TECPR2: variants seen among roughly 807,000 people sequenced by gnomAD.
TECPR2 encodes the protein tectonin beta-propeller repeat-containing protein 2.
TECPR2 carries 65 observed loss-of-function variants against 138.1 expected under a neutral mutation model. That is an observed-to-expected ratio of 0.47 (90% CI 0.39 to 0.58). The LOEUF (loss-of-function observed/expected upper bound fraction) is 0.58, where lower values mean the gene tolerates loss of function less well. Among genes scored for constraint, TECPR2 ranks in the 20% least tolerant of loss-of-function variants. TECPR2 has a pLI of 0.00. For synonymous variants in TECPR2, 746 were observed against 749.8 expected (o/e 0.99, Z 0.08); for missense variants, 1,553 against 1,824.5 (o/e 0.85, Z 2.71).
chr14:102,438,597 C>T (rs1889744544), intron 10 of TECPR2: 1 of 173,956 alleles, frequency 5.7e-6, no homozygotes, highest in Admixed American at 6.0e-5. Flanking sequence ...TTAAAGCAAC[C>T]GAACTAACGA....
intron 2 of TECPR2, among the ~76,000 whole-genome samples, chr14:102,390,734 C>G (rs1888146290): frequency 6.6e-6 from 1 of 151,890 alleles, no homozygotes; most frequent in Non-Finnish European, 1.5e-5. Context: ...GTGGTTTGAT[C>G]AGAAATTGCA....
intron 17 of TECPR2, chr14:102,465,787 C>A: frequency 5.9e-6 from 2 of 340,118 alleles, no homozygotes; most frequent in Non-Finnish European, 8.3e-6. Context: ...TGCATCCCAA[C>A]ACAGAGTCTG....
intron 8 of TECPR2, among the ~76,000 whole-genome samples, chr14:102,433,217 G>T (rs769759518): frequency 1.3e-5 from 2 of 151,536 alleles, no homozygotes; most frequent in Non-Finnish European, 2.9e-5. Flanking sequence ...TAAATACAGG[G>T]GGTCCATGCG....
chr14:102,427,635 G>A (rs1442136915), intron 6 of TECPR2, among the ~76,000 whole-genome samples: 2 of 152,164 alleles, frequency 1.3e-5, no homozygotes, highest in Admixed American at 6.5e-5. Flanking sequence ...AATGCTGGAG[G>A]AACCTCCCCT....
chr14:102,372,527 A>C, intron 1 of TECPR2, among the ~76,000 whole-genome samples: 1 of 152,178 alleles, frequency 6.6e-6, no homozygotes. Context: ...CAGTCTCCTG[A>C]AGTGCTGGGG....
rs764916353 is a variant in TECPR2, at chr14:102,498,115, A to G, written c.4094A>G (p.Asp1365Gly). Reference sequence around the variant, plus strand: ...CTTGTCCCTGCAGTGACTGCGTCAGATGAGCTGTGGGCTGTGGGCCCGCCC... The same window carrying G: ...CTTGTCCCTGCAGTGACTGCGTCAGGTGAGCTGTGGGCTGTGGGCCCGCCC... ...SVSCFTVTAS[D>G]ELWAVGPPGY... The change falls in exon 20 of 20, where the codon GAT (aspartate) becomes GGT (glycine). Residue 1365 changes from aspartate (D) to glycine (G), a missense_variant. By Grantham distance (94) the Asp-to-Gly change is moderately conservative (BLOSUM62 -1). Transcript: ENST00000359520. 12 of 1,613,406 alleles carry G rather than the reference A, an allele frequency of 7.4e-6. No individual in the cohort carries two copies. Among genetic ancestry groups the G allele is most frequent in the Non-Finnish European group, 1.0e-5 (12 of 1,179,902 alleles).
chr14:102,414,782 A>G lies in TECPR2; in HGVS notation c.627A>G (p.Gln209=), dbSNP rs1787062022. The G allele has an allele frequency of 6.2e-7, 1 of 1,614,022 alleles. No individual in the cohort carries two copies. The highest frequency in any genetic ancestry group is 1.3e-5 in the African/African-American group (1 of 74,932). Residue 209 remains glutamine, a synonymous_variant, in exon 5 of 20, where the codon CAA becomes CAG. Transcript: ENST00000359520. ...AGTCTGTAAGGCAAATTGGAACACA[A>G]CCAAGGAAAAGGTAAGTTTCACAAG... ...EEKSVRQIGT[Q]PRKSTGKFGA...
intron 2 of TECPR2, among the ~76,000 whole-genome samples, chr14:102,379,634 TCA>T (rs1887740086): frequency 6.8e-6 from 1 of 147,280 alleles, no homozygotes; most frequent in South Asian, 2.2e-4. Flanking sequence ...GGCACCCTAG[TCA>T]CACTGCTGAA....
At chr14:102,445,681 C>G in intron 12 of TECPR2, 125 bp from the exon 13 acceptor site, 2 of 1,257,572 alleles carry the variant, frequency 1.6e-6, no homozygotes, top group Non-Finnish European at 2.2e-6. Context: ...ACCTGCTGAT[C>G]CGCTCCAGGG....
intron 2 of TECPR2, among the ~76,000 whole-genome samples, chr14:102,380,215 A>G (rs910187448): frequency 4.0e-5 from 6 of 150,346 alleles, no homozygotes; most frequent in Non-Finnish European, 8.9e-5. Flanking sequence ...GAAGATCACC[A>G]TCTTAAAATC....
rs192267516 is a variant in TECPR2 at position 102,419,519 on chromosome 14, G to A, written c.638+4726G>A. Among the ~76,000 whole-genome samples, 131 of 152,230 alleles carry A rather than the reference G, an allele frequency of 8.6e-4. 1 individual carries two copies. The highest frequency in any genetic ancestry group is 3.1e-3 in the African/African-American group (127 of 41,532). ...GGACAGAGTGCAGGCGGTGGCCTCA[G>A]TTGGGCCCTCTCATGGGCAGCAGTG... On this transcript the variant is annotated intron_variant, in intron 5 of 19. Transcript: ENST00000359520. This position sits in a 1 kb window ranked among gnomAD's most constrained non-coding sequence, Gnocchi z 4.8.
At chr14:102,460,998 A>G (rs1435193980) in intron 16 of TECPR2, among the ~76,000 whole-genome samples, 4 of 147,772 alleles carry the variant, frequency 2.7e-5, no homozygotes, top group African/African-American at 5.0e-5. Flanking sequence ...CCCAGCCTCA[A>G]TTTTTTTTTT....
At chr14:102,462,899 A>G (rs1207208335) in intron 16 of TECPR2, among the ~76,000 whole-genome samples, 1 of 152,240 alleles carries the variant, frequency 6.6e-6, no homozygotes. Flanking sequence ...CAAGACTTGA[A>G]CAGGCACTTC....
chr14:102,494,888 A>G (rs905914553), intron 17 of TECPR2, among the ~76,000 whole-genome samples: 5 of 150,410 alleles, frequency 3.3e-5, no homozygotes, highest in Non-Finnish European at 7.4e-5. Flanking sequence ...ACCTGCAGTC[A>G]CTCCAGCGGC....
chr14:102,450,186 G>C (rs982476224), intron 14 of TECPR2, among the ~76,000 whole-genome samples: 4 of 152,188 alleles, frequency 2.6e-5, no homozygotes, highest in Non-Finnish European at 4.4e-5. Context: ...CAAACCTAGT[G>C]AGAGAGAATG....
intron 7 of TECPR2, among the ~76,000 whole-genome samples, chr14:102,429,073 C>T (rs569633079): frequency 3.3e-5 from 5 of 152,128 alleles, no homozygotes; most frequent in African/African-American, 1.2e-4. Flanking sequence ...TCTCAAACTC[C>T]CGACCTCAGG....
In TECPR2 at chr14:102,496,992, G is replaced by A. The variant is rs1891298626; in HGVS notation, c.3803G>A (p.Ser1268Asn). 4 of 1,613,776 alleles carry A rather than the reference G, an allele frequency of 2.5e-6. No individual in the cohort carries two copies. The highest frequency in any genetic ancestry group is 1.7e-5 in the Admixed American group (1 of 59,986). The change falls in exon 18 of 20, where the codon AGC (serine) becomes AAC (asparagine). Residue 1268 changes from serine to asparagine, a missense_variant. Physicochemically the swap from Ser to Asn is conservative, Grantham distance 46. Coordinates refer to ENST00000359520, the MANE Select transcript of TECPR2 (RefSeq NM_014844.5). ...TCCCGCTTCCAGCCCGCCGGGGTCA[G>A]CTTGGTCAGCGTCCATTCCAGCCCC... Reference protein sequence around the residue: ...IEPPVQPAGVSLVSVHSSPND... With the variant: ...IEPPVQPAGVNLVSVHSSPND...
chr14:102,404,319 A>C (rs1888588583), intron 2 of TECPR2, among the ~76,000 whole-genome samples: 1 of 152,088 alleles, frequency 6.6e-6, no homozygotes, highest in African/African-American at 2.4e-5. Context: ...AGAATATAAA[A>C]ATTTATTCTA....
At chr14:102,433,727 G>A (rs1415583811) in intron 8 of TECPR2, among the ~76,000 whole-genome samples, 1 of 151,990 alleles carries the variant, frequency 6.6e-6, no homozygotes, top group Non-Finnish European at 1.5e-5. Context: ...TTACCATGTT[G>A]GACAGGCTGG....
Sources: allele counts gnomAD v4.1 joint callset (sites outside exome capture counted in the v4.1 genomes callset), GRCh38; gene constraint gnomAD v4.1.1; non-coding constraint Gnocchi (gnomAD v3.1); transcripts MANE v1.5; gene names NCBI Gene and HGNC (gene_info 2026-07-23, HGNC 2026-07-21).